FANCA: variants seen among roughly 807,000 people sequenced by gnomAD.
FANCA encodes the protein FA complementation group A, also known as Fanconi anemia group A protein.
Under a neutral mutation model 194.3 loss-of-function variants are expected in FANCA, and 236 were observed. The observed-to-expected ratio is 1.21, with a 90% confidence interval of 1.09 to 1.35. The LOEUF (loss-of-function observed/expected upper bound fraction) is 1.35, where lower values mean the gene tolerates loss of function less well. Ranked by LOEUF, FANCA falls within the 40% of genes most tolerant of loss-of-function variation. The pLI is 0.00. For synonymous variants in FANCA, 1,014 were observed against 715.8 expected, an observed-to-expected ratio of 1.42 and a Z score of -6.65; for missense variants, 2,628 against 1,813.9, an observed-to-expected ratio of 1.45 and a Z score of -8.15.
At chr16:89,789,811 T>C (rs141485728) in intron 14 of FANCA, among the ~76,000 whole-genome samples, 15 of 152,278 alleles carry the variant, frequency 9.9e-5, no homozygotes, top group African/African-American at 3.4e-4. Flanking sequence ...AGAGAAACCA[T>C]GGCGGTCCTT....
At chr16:89,804,009 G>A in intron 7 of FANCA, among the ~76,000 whole-genome samples, 1 of 152,144 alleles carries the variant, frequency 6.6e-6, no homozygotes. Flanking sequence ...GGTCTAGAGG[G>A]ACCCAGAAGC....
In FANCA at chr16:89,742,906, G is replaced by C. The variant is rs2062171639; in HGVS notation, c.3659C>G (p.Pro1220Arg). The change falls in exon 37 of 43, where the codon CCC becomes CGC. Residue 1220 changes from proline (P) to arginine (R), a missense_variant. Pro to Arg is a moderately radical substitution (Grantham distance 103). Transcript: ENST00000389301. Reference sequence around the variant, plus strand: ...AGCAGCTGAGAGCCAGTCCGGGTTGGGTGCTGGGGAGGCAGCCTCAGGGGA... The same window carrying C: ...AGCAGCTGAGAGCCAGTCCGGGTTGCGTGCTGGGGAGGCAGCCTCAGGGGA... ...FLSPEAASPA[P>R]NPDWLSAAAL... is the part of the protein sequence containing the mutation. 6 of 1,614,126 alleles carry C rather than the reference G, an allele frequency of 3.7e-6. No individual in the cohort carries two copies. Among genetic ancestry groups the C allele is most frequent in the East Asian group, 2.2e-5 (1 of 44,878 alleles).
intron 41 of FANCA, 22 bp downstream of exon 41, chr16:89,739,111 T>A (rs779466859): frequency 6.2e-6 from 10 of 1,613,912 alleles, no homozygotes; most frequent in Non-Finnish European, 8.5e-6. Context: ...CCCCTGGAGG[T>A]GGGACTGGCC....
At chr16:89,762,991 T>C (rs572661098) in intron 28 of FANCA, among the ~76,000 whole-genome samples, 1 of 148,740 alleles carries the variant, frequency 6.7e-6, no homozygotes, top group South Asian at 2.1e-4. Flanking sequence ...CTCACACCTG[T>C]AATCCCAGCA....
intron 14 of FANCA, among the ~76,000 whole-genome samples, chr16:89,789,189 GA>G: frequency 6.6e-6 from 1 of 152,018 alleles, no homozygotes; most frequent in African/African-American, 2.4e-5. Flanking sequence ...GGGCAGGTGA[GA>G]AGGAACTTTA....
chr16:89,781,363 CAAA>C (rs775937692), intron 17 of FANCA, among the ~76,000 whole-genome samples: 2 of 60,400 alleles, frequency 3.3e-5, no homozygotes, highest in African/African-American at 6.9e-5. Context: ...GACTCCATTC[CAAA>C]AAAAAAAAAA....
At chr16:89,739,687 G>A in intron 39 of FANCA, 134 bp from the exon 40 acceptor site, 3 of 1,515,558 alleles carry the variant, frequency 2.0e-6, no homozygotes, top group East Asian at 2.5e-5. Context: ...AACAGCCTGA[G>A]CTGAGGATAC....
In FANCA at chr16:89,790,745, A is replaced by C. The variant is rs570928546; in HGVS notation, c.1359+658T>G. Among the ~76,000 whole-genome samples, 12 of 152,154 alleles carry C rather than the reference A, an allele frequency of 7.9e-5. No individual in the cohort carries two copies. The East Asian group carries it at 2.3e-3, about 29-fold the overall frequency. On this transcript the variant is annotated intron_variant, in intron 14 of 42. Coordinates refer to ENST00000389301, the MANE Select transcript of FANCA (RefSeq NM_000135.4). Reference sequence around the variant, plus strand: ...ACAGAGGAAGACTCCATCTCAAAAAAAAAAAAAGGGAAAATAAGAGACATT... The same window carrying C: ...ACAGAGGAAGACTCCATCTCAAAAACAAAAAAAGGGAAAATAAGAGACATT...
rs770043372 is a variant in FANCA at position 89,769,827 on chromosome 16, A to C, written c.2504+10T>G. On this transcript the variant is annotated intron_variant, in intron 26 of 42. Transcript: ENST00000389301. Reference sequence around the variant, plus strand: ...AGGAGAGAAGACGCGACTGTGGAAGAAGAGCTCACTTCAGGCAGAAGAACA... The same window carrying C: ...AGGAGAGAAGACGCGACTGTGGAAGCAGAGCTCACTTCAGGCAGAAGAACA... 1 of 1,613,888 alleles carries C rather than the reference A, an allele frequency of 6.2e-7. No individual in the cohort carries two copies.
chr16:89,805,962 G>C (rs151154274), intron 6 of FANCA, among the ~76,000 whole-genome samples: 3 of 151,754 alleles, frequency 2.0e-5, no homozygotes, highest in East Asian at 1.9e-4. Flanking sequence ...ATCCAGGCTG[G>C]AGTGCAATGG....
chr16:89,740,964 A>T, intron 37 of FANCA, 98 bp from the exon 38 acceptor site: 1 of 1,088,636 alleles, frequency 9.2e-7, no homozygotes, highest in South Asian at 1.3e-5. Context: ...AATTTTTTAC[A>T]TCTAGGCCAT....
chr16:89,801,405 A>G (rs1210419160), intron 8 of FANCA, among the ~76,000 whole-genome samples: 1 of 152,092 alleles, frequency 6.6e-6, no homozygotes, highest in Non-Finnish European at 1.5e-5. Flanking sequence ...CAAAGCCACA[A>G]TGAGCTATTA....
At chr16:89,752,374 CA>C in intron 30 of FANCA, 152 bp from the exon 31 acceptor site, 1 of 729,956 alleles carries the variant, frequency 1.4e-6, no homozygotes. Flanking sequence ...AAAACTGCCA[CA>C]AAATACTACC....
chr16:89,796,681 A>G lies in FANCA; in HGVS notation c.894-663T>C, dbSNP rs573446279. Reference sequence around the variant, plus strand: ...ACCCAGACCCTCTCGTGAGGCTTACAACCTGCAACCAGCAAGCGGCACTTT... The same window carrying G: ...ACCCAGACCCTCTCGTGAGGCTTACGACCTGCAACCAGCAAGCGGCACTTT... On this transcript the variant is annotated intron_variant, in intron 10 of 42. Transcript: ENST00000389301. Among the ~76,000 whole-genome samples the G allele has an allele frequency of 2.4e-4, 36 of 152,316 alleles. No individual in the cohort carries two copies. In the South Asian group the frequency reaches 7.5e-3, roughly 32 times the overall value.
intron 6 of FANCA, among the ~76,000 whole-genome samples, chr16:89,805,916 CTTT>C (rs910788164): frequency 1.3e-5 from 2 of 149,202 alleles, no homozygotes; most frequent in African/African-American, 4.9e-5. Context: ...TGGCCTGAAC[CTTT>C]TTTTTTTCTC....
At position 89,793,255 on chromosome 16, in the gene FANCA, C is replaced by A. The variant is rs58748198; in HGVS notation, c.1007-708G>T. ...GGACCACGATCCGCTTGGTGACGGGCGTCTTCCCAGACGCTGCCGTCACCG... is the reference window on the plus strand; with the variant it reads ...GGACCACGATCCGCTTGGTGACGGGAGTCTTCCCAGACGCTGCCGTCACCG... On this transcript the variant is annotated intron_variant, in intron 11 of 42. Transcript: ENST00000389301. Among the ~76,000 whole-genome samples, 1,276 of 152,206 alleles carry A rather than the reference C, an allele frequency of 8.4e-3. 25 individuals carry two copies. Among genetic ancestry groups the A allele is most frequent in the African/African-American group, 0.029 (1,218 of 41,530 alleles).
In FANCA at chr16:89,768,933, C is replaced by A. The variant is rs17233064; in HGVS notation, c.2504+904G>T. The stretch of plus-strand genomic sequence containing the variant: ...AACACCCAGTACTCAGTGTTTGGGG[C>A]CTGGGGTGAGTGGGGACTGTCTGGT... On this transcript the variant is annotated intron_variant, in intron 26 of 42. Coordinates refer to ENST00000389301, the MANE Select transcript of FANCA (RefSeq NM_000135.4). Among the ~76,000 whole-genome samples, 1,298 of 151,984 alleles carry A rather than the reference C, an allele frequency of 8.5e-3. 20 individuals are homozygous for A. The highest frequency in any genetic ancestry group is 0.03 in the African/African-American group (1,225 of 41,444).
At position 89,738,912 on chromosome 16, in the gene FANCA, G is replaced by A. The variant is rs2062043901; in HGVS notation, c.4230C>T (p.Cys1410=). The A allele has an allele frequency of 6.2e-7, 1 of 1,614,226 alleles. No individual in the cohort carries two copies. Among genetic ancestry groups the A allele is most frequent in the Non-Finnish European group, 8.5e-7 (1 of 1,180,046 alleles). Residue 1410 remains cysteine, a synonymous_variant, in exon 42 of 43, where the codon TGC becomes TGT. Transcript: ENST00000389301. The part of the protein sequence containing the change: ...RLFLLQLIPR[C]PKKSFSHVAE... ...CCACGTGTGAGAAGCTCTTTTTCGG[G>A]CACCGAGGTATTAACTGCAGCAGAA...
At chr16:89,755,865 GCA>G (rs2038750477) in intron 30 of FANCA, among the ~76,000 whole-genome samples, 1 of 151,908 alleles carries the variant, frequency 6.6e-6, no homozygotes, top group African/African-American at 2.4e-5. Context: ...ACGGCCCACC[GCA>G]CAGACACAGA....
Sources: gnomAD v4.1 joint callset for allele counts (sites outside exome capture counted in the v4.1 genomes callset) on GRCh38, gnomAD v4.1.1 for gene constraint, MANE v1.5 for transcripts, NCBI Gene and HGNC (gene_info 2026-07-23, HGNC 2026-07-21) for gene names.